The following CCDC171 variants were observed in gnomAD, a reference collection of about 807,000 sequenced individuals.
The protein encoded by CCDC171 is coiled-coil domain-containing protein 171.
Under a neutral mutation model 168.2 loss-of-function variants are expected in CCDC171, and 177 were observed. The observed-to-expected ratio is 1.05, with a 90% CI of 0.93 to 1.19. CCDC171 has a LOEUF of 1.19. Ranked by LOEUF, CCDC171 falls within the 50% of genes most tolerant of loss-of-function variation. The pLI, the probability that CCDC171 is intolerant of heterozygous loss-of-function variation, is 0.00. For synonymous variants in CCDC171, 687 were observed against 540.8 expected, an observed-to-expected ratio of 1.27 and a Z score of -3.75; for missense variants, 1,991 against 1,539.0, an observed-to-expected ratio of 1.29 and a Z score of -4.91.
chr9:15,958,288 T>A (rs1476870350), intron 25 of CCDC171, among the ~76,000 whole-genome samples: 1 of 152,112 alleles, frequency 6.6e-6, no homozygotes, highest in Non-Finnish European at 1.5e-5. Context: ...CATTAGAACT[T>A]ACTGTGATGA....
chr9:15,705,733 C>T (rs1043047220), intron 11 of CCDC171, among the ~76,000 whole-genome samples: 3 of 152,160 alleles, frequency 2.0e-5, no homozygotes, highest in African/African-American at 7.2e-5. Flanking sequence ...GTATATGGAA[C>T]ATTTATTATT....
At chr9:15,901,943 C>T (rs911503421) in intron 24 of CCDC171, among the ~76,000 whole-genome samples, 3 of 152,222 alleles carry the variant, frequency 2.0e-5, no homozygotes, top group South Asian at 4.2e-4. Flanking sequence ...GTAAAGTTCA[C>T]TGTTGTGACA....
At chr9:16,038,170 A>G (rs1319011483), upstream of CCDC171, among the ~76,000 whole-genome samples, 2 of 152,296 alleles carry the variant, frequency 1.3e-5, no homozygotes, top group African/African-American at 4.8e-5. Flanking sequence ...TCGGTTTGCA[A>G]TTATATAGCC....
chr9:15,605,358 T>C (rs910148021), intron 6 of CCDC171, among the ~76,000 whole-genome samples: 2 of 151,852 alleles, frequency 1.3e-5, no homozygotes, highest in African/African-American at 4.8e-5. Flanking sequence ...AGAAAAGGAC[T>C]CTGACACTGA....
At chr9:15,825,240 G>C (rs1350630268) in intron 21 of CCDC171, among the ~76,000 whole-genome samples, 1 of 152,076 alleles carries the variant, frequency 6.6e-6, no homozygotes, top group Non-Finnish European at 1.5e-5. Flanking sequence ...CCAACCACAT[G>C]ATTGATAACT....
chr9:15,597,884 G>A (rs2042501613), intron 6 of CCDC171, among the ~76,000 whole-genome samples: 1 of 152,252 alleles, frequency 6.6e-6, no homozygotes, highest in South Asian at 2.1e-4. Flanking sequence ...GAGGGTGTAT[G>A]TGTCCAGGAA....
chr9:15,790,406 G>A (rs1320382254), intron 21 of CCDC171, among the ~76,000 whole-genome samples: 1 of 152,200 alleles, frequency 6.6e-6, no homozygotes. Context: ...TTTGAGAAGT[G>A]TCTGTTCACA....
At chr9:15,929,395 G>T (rs183686076) in intron 25 of CCDC171, among the ~76,000 whole-genome samples, 2 of 151,692 alleles carry the variant, frequency 1.3e-5, no homozygotes, top group Non-Finnish European at 3.0e-5. Context: ...TTGATTTTCT[G>T]CAAAAGCCTG....
At chr9:16,049,064 T>C (rs1833710933) in intron 1 of CCDC171, among the ~76,000 whole-genome samples, 1 of 152,050 alleles carries the variant, frequency 6.6e-6, no homozygotes, top group Non-Finnish European at 1.5e-5. Flanking sequence ...AAATCCCTAA[T>C]GTCTACATTC....
intron 21 of CCDC171, among the ~76,000 whole-genome samples, chr9:15,808,829 A>T (rs1320105715): frequency 2.0e-5 from 3 of 150,786 alleles, no homozygotes; most frequent in Non-Finnish European, 1.5e-5. Context: ...ACCAAAATAC[A>T]ATAAACTGGA....
chr9:15,629,270 T>C (rs1312014765), intron 7 of CCDC171, among the ~76,000 whole-genome samples: 1 of 152,032 alleles, frequency 6.6e-6, no homozygotes, highest in African/African-American at 2.4e-5. Context: ...GGCAAAGAAG[T>C]TGAAAACTTT....
At chr9:15,880,437 T>G (rs891841962) in intron 24 of CCDC171, among the ~76,000 whole-genome samples, 20 of 151,226 alleles carry the variant, frequency 1.3e-4, no homozygotes, top group Non-Finnish European at 2.2e-4. Context: ...TGAACATATC[T>G]GTCACTTCCA....
chr9:16,022,008 T>C (rs1283644577), intron 4 of CCDC171, among the ~76,000 whole-genome samples: 1 of 152,180 alleles, frequency 6.6e-6, no homozygotes, highest in African/African-American at 2.4e-5. Flanking sequence ...GGAGGGAACA[T>C]AGATGCTTCC....
chr9:16,022,420 C>T (rs1201356945), exon 5 of CCDC171: 1 of 152,328 alleles, frequency 6.6e-6, no homozygotes, highest in Non-Finnish European at 1.5e-5. Flanking sequence ...CCCTCCCACC[C>T]ATCCTGTGGG....
the CCDC171 span, among the ~76,000 whole-genome samples, chr9:16,079,899 A>G: frequency 3.9e-5 from 6 of 152,336 alleles, no homozygotes; most frequent in African/African-American, 1.4e-4. Flanking sequence ...AGCAGCTCAT[A>G]GTATCCTCAT....
Position 15,743,851 on chromosome 9 carries a change from T to C in CCDC171, c.2050-422T>C, listed in dbSNP as rs147363412. Among the ~76,000 whole-genome samples the C allele has an allele frequency of 2.5e-4, 38 of 152,346 alleles. No individual in the cohort carries two copies. In the East Asian group the frequency reaches 7.3e-3, roughly 29 times the overall value. ...GCTTATTTTGGTAAAAAGTAAAGTC[T>C]TTTTTACATCTAGGAAACCCTCTAT... On this transcript the variant is annotated intron_variant, in intron 16 of 25. Coordinates refer to ENST00000380701, the MANE Select transcript of CCDC171 (RefSeq NM_173550.4).
intron 25 of CCDC171, among the ~76,000 whole-genome samples, chr9:15,932,310 T>C (rs1826624614): frequency 6.6e-6 from 1 of 151,878 alleles, no homozygotes. Flanking sequence ...TAGTGTTCAG[T>C]ATAGAGATTT....
At chr9:15,890,720 G>A (rs1322790988) in intron 24 of CCDC171, among the ~76,000 whole-genome samples, 2 of 152,066 alleles carry the variant, frequency 1.3e-5, no homozygotes, top group African/African-American at 4.8e-5. Flanking sequence ...TATTAAATAT[G>A]TGCAATTCTT....
rs914204772 is a variant in CCDC171, at chr9:15,727,962, T to C, written c.1786T>C (p.Trp596Arg). The change falls in exon 15 of 26, where the codon TGG becomes CGG. Residue 596 changes from tryptophan (W) to arginine (R), a missense_variant. Physicochemically the swap from Trp to Arg is moderately radical, Grantham distance 101. Transcript: ENST00000380701. ...QPEGMLDKFSWSELCAVLQEN... is the reference protein window; with the variant it reads ...QPEGMLDKFSRSELCAVLQEN... The stretch of plus-strand genomic sequence containing the variant: ...AGAAGGCATGCTGGATAAATTCTCT[T>C]GGTCTGAGCTTTGTGCAGTCTTACA... The C allele has an allele frequency of 1.9e-6, 3 of 1,613,532 alleles. No individual in the cohort carries two copies. Among genetic ancestry groups the C allele is most frequent in the Non-Finnish European group, 2.5e-6 (3 of 1,179,660 alleles).
Sources: allele counts gnomAD v4.1 joint callset (sites outside exome capture counted in the v4.1 genomes callset), GRCh38; gene constraint gnomAD v4.1.1; transcripts MANE v1.5; gene names NCBI Gene and HGNC (gene_info 2026-07-23, HGNC 2026-07-21).